The following CORIN variants were observed in gnomAD, a reference collection of about 807,000 sequenced individuals.
The protein encoded by CORIN is corin, serine peptidase.
In CORIN, 117 loss-of-function variants were observed where a neutral mutation model predicts 125.3. The observed-to-expected ratio is 0.93, with a 90% CI of 0.80 to 1.09. The LOEUF (loss-of-function observed/expected upper bound fraction) is 1.09. Ranked by LOEUF, CORIN falls within the 50% of genes least tolerant of loss-of-function variation. The pLI is 0.00. For synonymous variants in CORIN, 450 were observed against 466.4 expected (o/e 0.96, Z 0.45); for missense variants, 1,253 against 1,306.7 (o/e 0.96, Z 0.63).
intron 16 of CORIN, among the ~76,000 whole-genome samples, chr4:47,633,746 A>G (rs1445940587): frequency 2.0e-5 from 3 of 152,164 alleles, no homozygotes; most frequent in Non-Finnish European, 2.9e-5. Context: ...TCATCATGTA[A>G]AGCTAGAGAT....
chr4:47,598,189 G>A (rs1395698393), intron 21 of CORIN, among the ~76,000 whole-genome samples: 2 of 152,134 alleles, frequency 1.3e-5, no homozygotes, highest in East Asian at 3.8e-4. Flanking sequence ...CAGTATTCAG[G>A]TTTATAGATT....
At position 47,781,173 on chromosome 4, in the gene CORIN, C is replaced by T. The variant is rs1730528453; in HGVS notation, c.409+5552G>A. Among the ~76,000 whole-genome samples the T allele has an allele frequency of 2.0e-5, 3 of 152,230 alleles. No homozygotes were observed. The South Asian group carries it at 6.2e-4, about 32-fold the overall frequency. The stretch of plus-strand genomic sequence containing the variant: ...AAAAAAACCATAATCCAACTATATG[C>T]TGTCTACCACAGACTCACTTTAGAT... On this transcript the variant is annotated intron_variant, in intron 3 of 21. Coordinates refer to ENST00000273857, the MANE Select transcript of CORIN (RefSeq NM_006587.4).
chr4:47,701,751 A>T (rs1243047693), intron 5 of CORIN, among the ~76,000 whole-genome samples: 1 of 151,492 alleles, frequency 6.6e-6, no homozygotes, highest in Non-Finnish European at 1.5e-5. Flanking sequence ...GACTGCCAGA[A>T]ACTGAAGGCC....
chr4:47,778,932 C>T (rs1414051187), intron 3 of CORIN, among the ~76,000 whole-genome samples: 1 of 152,122 alleles, frequency 6.6e-6, no homozygotes, highest in East Asian at 1.9e-4. Flanking sequence ...TCCTCTACAG[C>T]AGGTGCCCAT....
chr4:47,632,035 T>C (rs553334247), intron 16 of CORIN: 3 of 152,288 alleles, frequency 2.0e-5, no homozygotes, highest in South Asian at 2.1e-4. Context: ...CCTAGACAAT[T>C]TGGCCTACTC....
intron 9 of CORIN, 77 bp from the exon 10 acceptor site, chr4:47,674,577 G>A: frequency 1.1e-6 from 1 of 884,286 alleles, no homozygotes; most frequent in Non-Finnish European, 1.9e-6. Flanking sequence ...GATCAGGAAT[G>A]TCTGATGGAG....
chr4:47,623,305 A>G (rs1460993244), intron 19 of CORIN, among the ~76,000 whole-genome samples: 1 of 152,128 alleles, frequency 6.6e-6, no homozygotes, highest in African/African-American at 2.4e-5. Flanking sequence ...GACTAATAGT[A>G]GCATAGAGTC....
intron 5 of CORIN, among the ~76,000 whole-genome samples, chr4:47,710,806 C>T (rs1726806095): frequency 6.6e-6 from 1 of 152,234 alleles, no homozygotes; most frequent in Non-Finnish European, 1.5e-5. Flanking sequence ...TGCATGCTGC[C>T]TATGTGCCCC....
At chr4:47,636,487 C>T (rs1042369762) in intron 16 of CORIN, among the ~76,000 whole-genome samples, 1 of 152,102 alleles carries the variant, frequency 6.6e-6, no homozygotes, top group Non-Finnish European at 1.5e-5. Flanking sequence ...GGCTGTATCC[C>T]CACCCAAATC....
chr4:47,672,201 C>T (rs1032762294), intron 10 of CORIN, among the ~76,000 whole-genome samples: 89 of 152,320 alleles, frequency 5.8e-4, no homozygotes, highest in African/African-American at 2.0e-3. Context: ...AGCCCAGCGC[C>T]CATCCCGATG....
intron 19 of CORIN, among the ~76,000 whole-genome samples, chr4:47,613,949 A>G (rs1335730495): frequency 1.4e-5 from 2 of 140,890 alleles, no homozygotes; most frequent in Non-Finnish European, 3.0e-5. Flanking sequence ...CCTAAAACTT[A>G]AAGTATAATA....
chr4:47,772,480 A>G (rs1033685034), intron 3 of CORIN, among the ~76,000 whole-genome samples: 2 of 152,236 alleles, frequency 1.3e-5, no homozygotes, highest in African/African-American at 2.4e-5. Context: ...ACCTTGCCCC[A>G]TAAAATCATC....
intron 5 of CORIN, among the ~76,000 whole-genome samples, chr4:47,709,249 G>A (rs1726723237): frequency 6.6e-6 from 1 of 151,940 alleles, no homozygotes; most frequent in African/African-American, 2.4e-5. Flanking sequence ...TTCAGCCAGG[G>A]CTGGCTACAT....
intron 1 of CORIN, among the ~76,000 whole-genome samples, chr4:47,810,661 C>T (rs1158528248): frequency 6.6e-6 from 1 of 152,152 alleles, no homozygotes. Context: ...CCTTTGGCTT[C>T]TCTTTCTCCT....
At chr4:47,760,100 T>C (rs1009974188) in intron 4 of CORIN, among the ~76,000 whole-genome samples, 22 of 152,320 alleles carry the variant, frequency 1.4e-4, no homozygotes, top group African/African-American at 5.1e-4. Flanking sequence ...GAAATCACAA[T>C]CTATCTATAG....
chr4:47,680,295 C>CT (rs1179216183), intron 7 of CORIN, 44 bp from the exon 8 acceptor site: 1 of 1,412,584 alleles, frequency 7.1e-7, no homozygotes, highest in Admixed American at 1.7e-5. Context: ...ACCAGCATGA[C>CT]TAACAGGCAG....
intron 5 of CORIN, among the ~76,000 whole-genome samples, chr4:47,713,640 G>A (rs1726952975): frequency 1.3e-5 from 2 of 152,178 alleles, no homozygotes; most frequent in African/African-American, 4.8e-5. Context: ...TATTTAGAGT[G>A]TGTCGCTCTT....
intron 5 of CORIN, among the ~76,000 whole-genome samples, chr4:47,741,568 A>T (rs955171540): frequency 2.6e-5 from 4 of 152,104 alleles, no homozygotes; most frequent in East Asian, 1.9e-4. Flanking sequence ...GAATTAAAAC[A>T]GTATGTCCAC....
chr4:47,657,079 A>C (rs894849018), intron 12 of CORIN, among the ~76,000 whole-genome samples: 2 of 152,218 alleles, frequency 1.3e-5, no homozygotes, highest in African/African-American at 4.8e-5. Flanking sequence ...TAATCAAAGA[A>C]ATGAAAGGTC....
Sources: allele counts gnomAD v4.1 joint callset (sites outside exome capture counted in the v4.1 genomes callset), GRCh38; gene constraint gnomAD v4.1.1; transcripts MANE v1.5; gene names NCBI Gene and HGNC (gene_info 2026-07-23, HGNC 2026-07-21).